The following PALLD variants were observed in gnomAD, a reference collection of about 807,000 sequenced individuals.
PALLD encodes palladin.
PALLD carries 61 observed loss-of-function variants against 123.5 expected under a neutral mutation model. That is an observed-to-expected ratio of 0.49 (90% confidence interval 0.40 to 0.61). PALLD has a LOEUF of 0.61. Ranked by LOEUF, PALLD falls within the 20% of genes least tolerant of loss-of-function variation. The probability of loss-of-function intolerance (pLI) is 0.00; values close to 1 mark genes in which losing one functional copy is unlikely to be tolerated. For missense variants in PALLD, 1,273 were observed against 1,377.0 expected (o/e 0.92, Z 1.20); for synonymous variants, 465 against 496.4 (o/e 0.94, Z 0.84).
chr4:168,635,483 G>C (rs796813782), intron 2 of PALLD, among the ~76,000 whole-genome samples: 28 of 152,328 alleles, frequency 1.8e-4, no homozygotes, highest in African/African-American at 6.0e-4. Flanking sequence ...TGTCCAGCAT[G>C]AACTTAAAGT....
intron 2 of PALLD, among the ~76,000 whole-genome samples, chr4:168,562,566 C>T (rs1484756331): frequency 1.3e-5 from 2 of 152,234 alleles, no homozygotes; most frequent in South Asian, 4.1e-4. Flanking sequence ...ACCAGGACTA[C>T]AGGATTACTT....
At chr4:168,768,416 C>G (rs1342746049) in intron 10 of PALLD, among the ~76,000 whole-genome samples, 1 of 152,092 alleles carries the variant, frequency 6.6e-6, no homozygotes, top group Non-Finnish European at 1.5e-5. Context: ...CATGGATGAT[C>G]AGACGGTGGA....
intron 10 of PALLD, among the ~76,000 whole-genome samples, chr4:168,734,399 T>C (rs1170274605): frequency 6.6e-6 from 1 of 152,184 alleles, no homozygotes; most frequent in Non-Finnish European, 1.5e-5. Flanking sequence ...TAGAATGTCT[T>C]GGCCATAATC....
At chr4:168,699,065 T>TA (rs1277890165) in intron 8 of PALLD, among the ~76,000 whole-genome samples, 4 of 152,110 alleles carry the variant, frequency 2.6e-5, no homozygotes, top group Admixed American at 1.3e-4. Flanking sequence ...ATTGACAATT[T>TA]AAAAAAATCC....
chr4:168,910,617 C>T (rs575030187), intron 15 of PALLD, among the ~76,000 whole-genome samples: 17 of 152,172 alleles, frequency 1.1e-4, no homozygotes, highest in East Asian at 1.9e-4. Context: ...CAATGCTGCC[C>T]GGTGCTTTAC....
At chr4:168,529,036 C>T (rs1764343086) in intron 2 of PALLD, among the ~76,000 whole-genome samples, 1 of 152,160 alleles carries the variant, frequency 6.6e-6, no homozygotes, top group South Asian at 2.1e-4. Context: ...AACATAAGAA[C>T]TAGGTGTGCC....
Position 168,560,284 on chromosome 4 carries a change from T to A in PALLD, c.908+47872T>A, listed in dbSNP as rs1434147963. Among the ~76,000 whole-genome samples, 4 of 152,326 alleles carry A rather than the reference T, an allele frequency of 2.6e-5. No individual in the cohort carries two copies. The East Asian group carries it at 7.7e-4, about 29-fold the overall frequency. Reference sequence around the variant, plus strand: ...GTCTCATTCTGCAAGGCCAGTTGCTTGCTTTTCACAGTGACACCCATCACC... The same window carrying A: ...GTCTCATTCTGCAAGGCCAGTTGCTAGCTTTTCACAGTGACACCCATCACC... On this transcript the variant is annotated intron_variant, in intron 2 of 21. Transcript: ENST00000505667.
intron 10 of PALLD, chr4:168,828,851 G>C (rs139786997): frequency 3.3e-5 from 5 of 152,388 alleles, no homozygotes; most frequent in African/African-American, 1.2e-4. Flanking sequence ...CGAAGCTGGA[G>C]GGAGTTCCTT....
At chr4:168,503,340 T>C (rs567292966) in intron 1 of PALLD, among the ~76,000 whole-genome samples, 1 of 152,272 alleles carries the variant, frequency 6.6e-6, no homozygotes, top group Admixed American at 6.5e-5. Flanking sequence ...TTTTCAAGGA[T>C]GAACCGGAGT....
At chr4:168,760,009 G>T (rs1226308131) in intron 10 of PALLD, among the ~76,000 whole-genome samples, 5 of 151,170 alleles carry the variant, frequency 3.3e-5, no homozygotes, top group African/African-American at 9.8e-5. Flanking sequence ...AGCTGAGATG[G>T]CACCACTGCA....
At chr4:168,787,313 T>C (rs543433729) in intron 10 of PALLD, among the ~76,000 whole-genome samples, 1 of 152,320 alleles carries the variant, frequency 6.6e-6, no homozygotes, top group Non-Finnish European at 1.5e-5. Context: ...TCATATTATG[T>C]GTGTGCCTCC....
At chr4:168,860,961 G>A (rs914788553) in intron 10 of PALLD, among the ~76,000 whole-genome samples, 1 of 152,176 alleles carries the variant, frequency 6.6e-6, no homozygotes, top group African/African-American at 2.4e-5. Flanking sequence ...TGGTTTCTAT[G>A]TACTTCAAAT....
chr4:168,600,822 T>C (rs1426234878), intron 2 of PALLD, among the ~76,000 whole-genome samples: 2 of 152,118 alleles, frequency 1.3e-5, no homozygotes, highest in East Asian at 3.9e-4. Flanking sequence ...ACTAAAAGAC[T>C]TCTAGTCATC....
intron 10 of PALLD, among the ~76,000 whole-genome samples, chr4:168,794,442 T>G (rs905061575): frequency 1.9e-5 from 2 of 103,582 alleles, no homozygotes; most frequent in Admixed American, 1.7e-4. Flanking sequence ...CGCACACACA[T>G]AGACATACGC....
rs147717023 is a variant in PALLD at position 168,768,667 on chromosome 4, G to A, written c.1964+56744G>A. Among the ~76,000 whole-genome samples, 450 of 152,214 alleles carry A rather than the reference G, an allele frequency of 3.0e-3. 5 individuals are homozygous for A. The highest frequency in any genetic ancestry group is 0.01 in the African/African-American group (428 of 41,546). On this transcript the variant is annotated intron_variant, in intron 10 of 21. Coordinates refer to ENST00000505667, the MANE Select transcript of PALLD (RefSeq NM_001166108.2). ...TCTGGCCATGGCAGCTAATTTGAATGGTATGTTTTTTCTTTTGTTTTTTTG... is the reference window on the plus strand; with the variant it reads ...TCTGGCCATGGCAGCTAATTTGAATAGTATGTTTTTTCTTTTGTTTTTTTG...
At chr4:168,636,706 C>G (rs1213638893) in intron 2 of PALLD, among the ~76,000 whole-genome samples, 1 of 152,162 alleles carries the variant, frequency 6.6e-6, no homozygotes, top group East Asian at 1.9e-4. Context: ...AGTCATATTC[C>G]TTGCTTCCAG....
chr4:168,516,783 G>A (rs1370343131), intron 2 of PALLD, among the ~76,000 whole-genome samples: 2 of 152,138 alleles, frequency 1.3e-5, no homozygotes, highest in African/African-American at 2.4e-5. Flanking sequence ...AAAAATCTAC[G>A]CTTGGAATTC....
At chr4:168,761,645 G>GTTTTTTTTTGTTTTTTTTTTT (rs1732875430) in intron 10 of PALLD, among the ~76,000 whole-genome samples, 2 of 88,026 alleles carry the variant, frequency 2.3e-5, no homozygotes, top group Non-Finnish European at 4.4e-5. Flanking sequence ...GTTGTTGTTT[G>GTTTTTTTTTGTTTTTTTTTTT]TTTTTTTTTT....
chr4:168,919,627 A>T (rs969591379), intron 17 of PALLD, among the ~76,000 whole-genome samples: 5 of 152,014 alleles, frequency 3.3e-5, no homozygotes, highest in Admixed American at 3.3e-4. Context: ...TCCTGACGAT[A>T]AGCCAAACAC....
Sources: gnomAD v4.1 joint callset for allele counts (sites outside exome capture counted in the v4.1 genomes callset) on GRCh38, gnomAD v4.1.1 for gene constraint, MANE v1.5 for transcripts, NCBI Gene and HGNC (gene_info 2026-07-23, HGNC 2026-07-21) for gene names.